Variants in ANKRD28 observed in about 807,000 individuals in gnomAD.
ANKRD28 encodes the protein serine/threonine-protein phosphatase 6 regulatory ankyrin repeat subunit A.
ANKRD28 carries 44 observed loss-of-function variants against 126.5 expected under a neutral mutation model. That is an observed-to-expected ratio of 0.35 (90% CI 0.27 to 0.45). ANKRD28 has a LOEUF of 0.45. Among genes scored for constraint, ANKRD28 ranks in the 20% least tolerant of loss-of-function variants. The pLI is 1.00. For synonymous variants in ANKRD28, 442 were observed against 468.5 expected (o/e 0.94, Z 0.73); for missense variants, 1,110 against 1,316.6 (o/e 0.84, Z 2.43).
chr3:15,683,550 A>C (rs1037679275), intron 21 of ANKRD28, among the ~76,000 whole-genome samples: 1 of 152,198 alleles, frequency 6.6e-6, no homozygotes, highest in Non-Finnish European at 1.5e-5. Flanking sequence ...AAGAGACTAA[A>C]CTAGCTTGTT....
At position 15,859,246 on chromosome 3, in the gene ANKRD28, C is replaced by G. The variant is rs1269022061; in HGVS notation, c.27+131G>C. ...CCCGGCCCGCCGTCTCGCGCAGGTCCCCGGGGCAGGACCCCCGTTTCCCTC... is the reference window on the plus strand; with the variant it reads ...CCCGGCCCGCCGTCTCGCGCAGGTCGCCGGGGCAGGACCCCCGTTTCCCTC... On this transcript the variant is annotated intron_variant, in intron 1 of 27. Transcript: ENST00000399451. 26 of 1,352,660 alleles carry G rather than the reference C, an allele frequency of 1.9e-5. No individual in the cohort carries two copies. In the Admixed American group the frequency reaches 3.0e-4, roughly 15 times the overall value. 83.8% of individuals were successfully genotyped at this position (1,352,660 alleles called of 1,614,324 possible).
Position 15,678,617 on chromosome 3 carries a change from C to T in ANKRD28, c.2562-263G>A, listed in dbSNP as rs572534307. Among the ~76,000 whole-genome samples, 19 of 152,242 alleles carry T rather than the reference C, an allele frequency of 1.2e-4. 1 individual carries two copies. Among genetic ancestry groups the T allele is most frequent in the Admixed American group, 1.0e-3 (16 of 15,288 alleles). ...TTACAAAATTGCTAAAATAACATTA[C>T]ATCATTAAAGGAAATTTTGAAAGAA... On this transcript the variant is annotated intron_variant, in intron 23 of 27. Coordinates refer to ENST00000683139, the MANE Select transcript of ANKRD28 (RefSeq NM_001349278.2).
intron 17 of ANKRD28, among the ~76,000 whole-genome samples, chr3:15,693,514 T>C (rs1385086780): frequency 6.6e-6 from 1 of 152,170 alleles, no homozygotes; most frequent in African/African-American, 2.4e-5. Flanking sequence ...TGGGAGTCTT[T>C]AATATGCTAC....
In ANKRD28 at chr3:15,853,385, G is replaced by A. The variant is rs1362478691; in HGVS notation, c.27+5992C>T. 6.6e-6 allele frequency among the ~76,000 whole-genome samples: 1 copy of A among 152,102 alleles called. No homozygotes were observed. The highest frequency in any genetic ancestry group is 1.5e-5 in the Non-Finnish European group (1 of 68,014). On this transcript the variant is annotated intron_variant, in intron 1 of 27. Coordinates refer to the ANKRD28 transcript ENST00000399451. The surrounding 1 kb of genome is among the most constrained non-coding windows in gnomAD (Gnocchi z 4.2). Reference sequence around the variant, plus strand: ...GACTAGAAAATTAAAAAGGAAATAAGACAAAATGCTGAAAAAATGTATCCA... The same window carrying A: ...GACTAGAAAATTAAAAAGGAAATAAAACAAAATGCTGAAAAAATGTATCCA...
At chr3:15,734,018 A>G (rs950248062) in intron 6 of ANKRD28, among the ~76,000 whole-genome samples, 11 of 152,256 alleles carry the variant, frequency 7.2e-5, no homozygotes, top group Admixed American at 2.0e-4. Flanking sequence ...TGACCCTGGA[A>G]TAACAAAAGT....
At chr3:15,683,065 T>C (rs745657057) in intron 21 of ANKRD28, among the ~76,000 whole-genome samples, 2 of 152,194 alleles carry the variant, frequency 1.3e-5, no homozygotes, top group Non-Finnish European at 2.9e-5. Flanking sequence ...ATAGATCTGA[T>C]AACAAACACT....
chr3:15,799,206 T>A (rs940753557), upstream of ANKRD28, among the ~76,000 whole-genome samples: 2 of 151,896 alleles, frequency 1.3e-5, no homozygotes. Flanking sequence ...AGGTAACCTA[T>A]AAAGGTTGTG....
chr3:15,711,862 T>C (rs141638641), intron 11 of ANKRD28, among the ~76,000 whole-genome samples: 2,354 of 114,482 alleles, frequency 0.021, 35 homozygotes, highest in Non-Finnish European at 0.04. Context: ...AATTTTTTTT[T>C]GTATTTTTTT....
Position 15,854,705 on chromosome 3 carries a change from G to A in ANKRD28, c.27+4672C>T, listed in dbSNP as rs1324457989. On this transcript the variant is annotated intron_variant, in intron 1 of 27. Coordinates refer to the ANKRD28 transcript ENST00000399451. The surrounding 1 kb of genome is among the most constrained non-coding windows in gnomAD (Gnocchi z 4.1). Reference sequence around the variant, plus strand: ...TTTCCCCTCTTCTAAGATCTGTAAGGGTAGAGATGGTAGCTACTTCACCCT... The same window carrying A: ...TTTCCCCTCTTCTAAGATCTGTAAGAGTAGAGATGGTAGCTACTTCACCCT... Among the ~76,000 whole-genome samples the A allele has an allele frequency of 6.6e-6, 1 of 151,750 alleles. No individual in the cohort carries two copies. Among genetic ancestry groups the A allele is most frequent in the African/African-American group, 2.4e-5 (1 of 41,308 alleles).
rs551234460 is a variant in ANKRD28, at chr3:15,737,092, C to T, written c.493G>A (p.Val165Ile). The T allele has an allele frequency of 1.3e-4, 205 of 1,613,946 alleles. 1 individual carries two copies. In the South Asian group the frequency reaches 2.1e-3, roughly 16 times the overall value. Residue 165 changes from valine (V) to isoleucine (I), a missense_variant, in exon 5 of 28, where the codon GTA (valine) becomes ATA (isoleucine). Physicochemically the swap from Val to Ile is conservative, Grantham distance 29 (BLOSUM62 3). Coordinates refer to ENST00000683139, the MANE Select transcript of ANKRD28 (RefSeq NM_001349278.2). ...GCAGTCCTCCCTGCTCGATCAGATA[C>T]GTTTACATTACTCAGAAGAGGTACC... ...ALVPLLSNVN[V>I]SDRAGRTALH... is the part of the protein sequence containing the mutation.
chr3:15,685,184 G>A (rs775837838), intron 21 of ANKRD28, 42 bp downstream of exon 21: 65 of 1,591,330 alleles, frequency 4.1e-5, no homozygotes, highest in Non-Finnish European at 4.4e-5. Context: ...TTTTATCTCT[G>A]TTCACTACAC....
At chr3:15,725,387 T>G (rs949104413) in intron 6 of ANKRD28, among the ~76,000 whole-genome samples, 2 of 152,222 alleles carry the variant, frequency 1.3e-5, no homozygotes, top group African/African-American at 4.8e-5. Flanking sequence ...CATCTTCCTT[T>G]TGCCTAGATC....
At chr3:15,832,368 A>T (rs1054260766) in intron 1 of ANKRD28, among the ~76,000 whole-genome samples, 2 of 152,172 alleles carry the variant, frequency 1.3e-5, no homozygotes, top group African/African-American at 4.8e-5. Flanking sequence ...TGCTGAGCAA[A>T]AGTGTCTCTC....
At chr3:15,713,462 A>G in intron 10 of ANKRD28, 65 bp downstream of exon 10, 2 of 1,235,440 alleles carry the variant, frequency 1.6e-6, no homozygotes, top group Non-Finnish European at 2.3e-6. Context: ...AATGTCTAGA[A>G]AACTGCAGTT....
intron 4 of ANKRD28, among the ~76,000 whole-genome samples, chr3:15,741,696 C>CTTT: frequency 3.3e-5 from 1 of 30,354 alleles, no homozygotes; most frequent in African/African-American, 1.3e-4. Flanking sequence ...TTGGTTCTAT[C>CTTT]CTTTTTTTTT....
At chr3:15,726,628 G>A (rs1197248901) in intron 6 of ANKRD28, among the ~76,000 whole-genome samples, 1 of 152,270 alleles carries the variant, frequency 6.6e-6, no homozygotes, top group Non-Finnish European at 1.5e-5. Context: ...GAAGCAGCAA[G>A]TGCTGATGTA....
intron 1 of ANKRD28, among the ~76,000 whole-genome samples, chr3:15,829,373 T>C (rs953432476): frequency 1.3e-5 from 2 of 152,192 alleles, no homozygotes; most frequent in South Asian, 2.1e-4. Context: ...TCTATACTCA[T>C]GGTAGCATAT....
intron 4 of ANKRD28, among the ~76,000 whole-genome samples, chr3:15,750,433 G>A (rs1181038347): frequency 6.6e-6 from 1 of 152,136 alleles, no homozygotes; most frequent in Non-Finnish European, 1.5e-5. Flanking sequence ...ACATCGCACA[G>A]CTGAAAAGTT....
At position 15,814,154 on chromosome 3, in the gene ANKRD28, G is replaced by A. The variant is rs2060785301; in HGVS notation, c.28-18848C>T. 2 of 656,368 alleles carry A rather than the reference G, an allele frequency of 3.0e-6. No homozygotes were observed. Among genetic ancestry groups the A allele is most frequent in the African/African-American group, 2.0e-5 (1 of 51,096 alleles). 40.7% of individuals were successfully genotyped at this position (656,368 alleles called of 1,614,324 possible). ...ACATACAGTTATGTATGAAAGCTAA[G>A]TTACAAGGAGGCTTAAACAGCAACA... On this transcript the variant is annotated intron_variant, in intron 1 of 27. Transcript: ENST00000399451. This position sits in a 1 kb window ranked among gnomAD's most constrained non-coding sequence, Gnocchi z 4.7.
Sources: allele counts gnomAD v4.1 joint callset (sites outside exome capture counted in the v4.1 genomes callset), GRCh38; gene constraint gnomAD v4.1.1; non-coding constraint Gnocchi (gnomAD v3.1); transcripts MANE v1.5; gene names NCBI Gene and HGNC (gene_info 2026-07-23, HGNC 2026-07-21).